Variants in CD55 observed in about 807,000 individuals in gnomAD.
CD55 encodes the protein complement decay-accelerating factor.
In CD55, 41 loss-of-function variants were observed where a neutral mutation model predicts 45.8. The observed-to-expected ratio is 0.90, with a 90% confidence interval of 0.70 to 1.16. The LOEUF is 1.16. Ranked by LOEUF, CD55 falls within the 50% of genes most tolerant of loss-of-function variation. CD55 has a pLI of 0.00. For synonymous variants in CD55, 181 were observed against 181.1 expected (o/e 1.00, Z 0.01); for missense variants, 416 against 469.8 (o/e 0.89, Z 1.06).
intron 5 of CD55, among the ~76,000 whole-genome samples, chr1:207,329,755 G>A (rs1344997306): frequency 6.6e-6 from 1 of 151,974 alleles, no homozygotes; most frequent in African/African-American, 2.4e-5. Flanking sequence ...GGGACTATAG[G>A]TGCACACCAC....
intron 5 of CD55, among the ~76,000 whole-genome samples, chr1:207,329,283 A>C (rs890684153): frequency 3.3e-5 from 5 of 152,238 alleles, no homozygotes; most frequent in African/African-American, 7.2e-5. Flanking sequence ...GGGCCAGAGC[A>C]CAGCCTTTTA....
chr1:207,325,560 AC>A (rs1654641529), intron 3 of CD55, 61 bp from the exon 4 acceptor site: 2 of 972,572 alleles, frequency 2.1e-6, no homozygotes, highest in South Asian at 1.5e-5. Context: ...TCACATAGTT[AC>A]CTTCTTTGTG....
rs28371591 is a variant in CD55 at position 207,322,780 on chromosome 1, T to C, written c.286+213T>C. Among the ~76,000 whole-genome samples, 1,078 of 152,362 alleles carry C rather than the reference T, an allele frequency of 7.1e-3. 14 individuals are homozygous for C. Among genetic ancestry groups the C allele is most frequent in the African/African-American group, 0.025 (1,024 of 41,572 alleles). The stretch of plus-strand genomic sequence containing the variant: ...CATTAAGAGTTTTTCTTCCTAACAC[T>C]GTACCTCTTGAACGAACTAGTAGAG... On this transcript the variant is annotated intron_variant, in intron 2 of 9. Coordinates refer to ENST00000367064, the MANE Select transcript of CD55 (RefSeq NM_000574.5).
At position 207,321,831 on chromosome 1, in the gene CD55, G is replaced by A; in HGVS notation, c.66G>A (p.Leu22=). Residue 22 remains leucine (L), a synonymous_variant, in exon 1 of 10, where the codon CTG becomes CTA. Coordinates refer to ENST00000367064, the MANE Select transcript of CD55 (RefSeq NM_000574.5). ...TCCTCGGGGAGCTGCCCCGGCTGCTGCTGCTGGTGCTGTTGTGCCTGCCGG... is the reference window on the plus strand; with the variant it reads ...TCCTCGGGGAGCTGCCCCGGCTGCTACTGCTGGTGCTGTTGTGCCTGCCGG... ...LPLLGELPRL[L]LLVLLCLPAV... is the part of the protein sequence containing the mutation. The A allele has an allele frequency of 1.3e-6, 2 of 1,529,804 alleles. No homozygotes were observed. The highest frequency in any genetic ancestry group is 1.7e-6 in the Non-Finnish European group (2 of 1,143,940). 94.8% of individuals were successfully genotyped at this position (1,529,804 alleles called of 1,614,324 possible).
intron 9 of CD55, among the ~76,000 whole-genome samples, chr1:207,345,832 T>C (rs748614517): frequency 2.0e-5 from 3 of 152,234 alleles, no homozygotes; most frequent in African/African-American, 2.4e-5. Flanking sequence ...TGTATGACTT[T>C]CAGCTGTAAA....
At chr1:207,332,224 A>G (rs1654976558) in intron 6 of CD55, among the ~76,000 whole-genome samples, 1 of 152,102 alleles carries the variant, frequency 6.6e-6, no homozygotes, top group Admixed American at 6.5e-5. Context: ...TTTATTTATT[A>G]TATCAATGGT....
intron 9 of CD55, chr1:207,354,371 C>A: frequency 2.6e-6 from 1 of 382,396 alleles, no homozygotes; most frequent in Non-Finnish European, 3.6e-6. Context: ...ACACTTTCTA[C>A]TGTTTGCCAT....
chr1:207,323,924 A>G (rs760700090), intron 2 of CD55, among the ~76,000 whole-genome samples: 2 of 152,162 alleles, frequency 1.3e-5, no homozygotes, highest in Non-Finnish European at 2.9e-5. Context: ...TTACGCCAAA[A>G]CCAAGGTGTA....
intron 9 of CD55, among the ~76,000 whole-genome samples, chr1:207,353,622 A>G (rs745802071): frequency 3.9e-5 from 6 of 152,176 alleles, no homozygotes; most frequent in Non-Finnish European, 7.3e-5. Flanking sequence ...TCTGCCTGTT[A>G]TTCAGGTTTA....
chr1:207,326,525 A>G (rs1307543954), intron 4 of CD55, among the ~76,000 whole-genome samples: 4 of 152,218 alleles, frequency 2.6e-5, no homozygotes, highest in Non-Finnish European at 5.9e-5. Context: ...CATATTCCCC[A>G]TGCAAATAAA....
chr1:207,357,964 C>T (rs965320001), intron 9 of CD55, among the ~76,000 whole-genome samples: 2 of 152,178 alleles, frequency 1.3e-5, no homozygotes, highest in Non-Finnish European at 2.9e-5. Flanking sequence ...TGGGGTCTCT[C>T]TCTCTCTCAA....
At chr1:207,348,935 G>C (rs1342831916) in intron 9 of CD55, among the ~76,000 whole-genome samples, 1 of 152,038 alleles carries the variant, frequency 6.6e-6, no homozygotes, top group Non-Finnish European at 1.5e-5. Flanking sequence ...GTCTATTTTT[G>C]TACCAGTACC....
At chr1:207,359,426 C>T in intron 9 of CD55, 120 bp from the exon 10 acceptor site, 1 of 1,051,284 alleles carries the variant, frequency 9.5e-7, no homozygotes, top group Non-Finnish European at 1.3e-6. Context: ...TGTTTTGCAC[C>T]CCAAATTAAC....
intron 9 of CD55, among the ~76,000 whole-genome samples, chr1:207,341,452 G>C (rs1040098441): frequency 6.6e-6 from 1 of 152,074 alleles, no homozygotes; most frequent in African/African-American, 2.4e-5. Context: ...ACATGGTGAG[G>C]GGCAGAGGTC....
chr1:207,339,546 T>A (rs1655330464), intron 9 of CD55, 129 bp downstream of exon 9: 2 of 735,928 alleles, frequency 2.7e-6, no homozygotes, highest in African/African-American at 3.6e-5. Context: ...TTTAAACTTT[T>A]TAGTATGGAA....
chr1:207,340,390 G>A (rs1655370247), intron 9 of CD55: 2 of 438,958 alleles, frequency 4.6e-6, no homozygotes, highest in South Asian at 5.0e-5. Context: ...TTTTGAGACA[G>A]GTTCTCGTCC....
chr1:207,357,972 C>T (rs916212139), intron 9 of CD55, among the ~76,000 whole-genome samples: 3 of 152,294 alleles, frequency 2.0e-5, no homozygotes, highest in East Asian at 1.9e-4. Context: ...CTCTCTCTCT[C>T]AAAATATCTT....
chr1:207,322,707 C>A, intron 2 of CD55, 140 bp downstream of exon 2: 1 of 674,022 alleles, frequency 1.5e-6, no homozygotes, highest in Non-Finnish European at 2.4e-6. Flanking sequence ...GCACGTCACA[C>A]TCCAGCTAAT....
intron 9 of CD55, among the ~76,000 whole-genome samples, chr1:207,341,803 AG>A (rs1655439581): frequency 6.6e-6 from 1 of 151,652 alleles, no homozygotes; most frequent in Non-Finnish European, 1.5e-5. Flanking sequence ...ATATCTTGAT[AG>A]GGGTTGTACT....
Sources: allele counts gnomAD v4.1 joint callset (sites outside exome capture counted in the v4.1 genomes callset), GRCh38; gene constraint gnomAD v4.1.1; transcripts MANE v1.5; gene names NCBI Gene and HGNC (gene_info 2026-07-23, HGNC 2026-07-21).